The following IFT172 variants were observed in gnomAD, a reference collection of about 807,000 sequenced individuals.
The protein encoded by IFT172 is intraflagellar transport 172, also known as intraflagellar transport protein 172 homolog.
A neutral mutation model predicts 248.9 loss-of-function variants in IFT172; 164 were observed. The observed-to-expected ratio is 0.66, with a 90% CI of 0.58 to 0.75. IFT172 has a LOEUF of 0.75. IFT172 is among the 30% of genes least tolerant of loss of function. The probability of loss-of-function intolerance (pLI) is 0.00; values close to 1 mark genes in which losing one functional copy is unlikely to be tolerated. For synonymous variants in IFT172, 729 were observed against 791.6 expected, an observed-to-expected ratio of 0.92 and a Z score of 1.33; for missense variants, 1,950 against 2,192.4, an observed-to-expected ratio of 0.89 and a Z score of 2.21.
At chr2:27,460,983 AC>A (rs759748718) in intron 23 of IFT172, 31 bp downstream of exon 23, 1 of 1,613,966 alleles carries the variant, frequency 6.2e-7, no homozygotes, top group Non-Finnish European at 8.5e-7. Flanking sequence ...AGAGTCCACA[AC>A]AGTAAAGGAT....
In IFT172 at chr2:27,454,823, C is replaced by T. The variant is rs574812163; in HGVS notation, c.3372-163G>A. Among the ~76,000 whole-genome samples the T allele has an allele frequency of 9.9e-5, 15 of 152,264 alleles. No individual in the cohort carries two copies. Among genetic ancestry groups the T allele is most frequent in the African/African-American group, 2.9e-4 (12 of 41,554 alleles). Reference sequence around the variant, plus strand: ...AAGCGTGGAGAGATAAAAAGGAAGACGGGCAGGCAGCCCTGTGAAGACCAT... The same window carrying T: ...AAGCGTGGAGAGATAAAAAGGAAGATGGGCAGGCAGCCCTGTGAAGACCAT... On this transcript the variant is annotated intron_variant, in intron 30 of 47. Coordinates refer to ENST00000260570, the MANE Select transcript of IFT172 (RefSeq NM_015662.3). This position sits in a 1 kb window ranked among gnomAD's most constrained non-coding sequence, Gnocchi z 4.2.
Position 27,449,684 on chromosome 2 carries a change from A to G in IFT172, c.4160+7T>C. On this transcript the variant is annotated splice_region_variant and intron_variant, in intron 37 of 47. Coordinates refer to ENST00000260570, the MANE Select transcript of IFT172 (RefSeq NM_015662.3). ...AATTTCGCAGTAAGAAGGGGTTACAAGCTTACCTGGGATCTAACTCCTTAG... is the reference window on the plus strand; with the variant it reads ...AATTTCGCAGTAAGAAGGGGTTACAGGCTTACCTGGGATCTAACTCCTTAG... 1 of 1,610,978 alleles carries G rather than the reference A, an allele frequency of 6.2e-7. No individual in the cohort carries two copies. Among genetic ancestry groups the G allele is most frequent in the East Asian group, 2.2e-5 (1 of 44,862 alleles).
chr2:27,447,708 C>G (rs113449660), intron 41 of IFT172, 74 bp from the exon 42 acceptor site: 2 of 1,609,840 alleles, frequency 1.2e-6, no homozygotes, highest in African/African-American at 1.3e-5. Flanking sequence ...TCTCTGATAG[C>G]CACCTGGCAG....
Position 27,454,681 on chromosome 2 carries a change from A to T in IFT172, c.3372-21T>A. On this transcript the variant is annotated intron_variant, in intron 30 of 47. Transcript: ENST00000260570. The surrounding 1 kb of genome is among the most constrained non-coding windows in gnomAD (Gnocchi z 4.2). ...AGGAGCTGAAACAGAAAGTGCAGAT[A>T]AAGTTTTCTTGCTTCATGCTTCCCT... 2.5e-6 allele frequency: 4 copies of T among 1,608,818 alleles called. No homozygotes were observed. Among genetic ancestry groups the T allele is most frequent in the Non-Finnish European group, 3.4e-6 (4 of 1,175,354 alleles).
At chr2:27,474,859 G>GA (rs1558402381) in intron 14 of IFT172, among the ~76,000 whole-genome samples, 4 of 144,194 alleles carry the variant, frequency 2.8e-5, no homozygotes, top group African/African-American at 1.0e-4. Flanking sequence ...GCCTCAAACT[G>GA]TTTTTTTTTT....
rs946599676 is a variant in IFT172 at position 27,444,564 on chromosome 2, G to A, written c.5161-43C>T. On this transcript the variant is annotated intron_variant, in intron 47 of 47. Coordinates refer to ENST00000260570, the MANE Select transcript of IFT172 (RefSeq NM_015662.3). ...AACATGAGAGGAACTTGTTAATGCT[G>A]GAAATACAAAATCAGCTCCATCGCA... 5 of 1,499,302 alleles carry A rather than the reference G, an allele frequency of 3.3e-6. No homozygotes were observed. In the African/African-American group the frequency reaches 5.5e-5, roughly 17 times the overall value. 92.9% of individuals were successfully genotyped at this position (1,499,302 alleles called of 1,614,324 possible).
intron 1 of IFT172, among the ~76,000 whole-genome samples, chr2:27,489,189 C>T (rs1011823347): frequency 3.3e-5 from 5 of 152,222 alleles, no homozygotes; most frequent in African/African-American, 1.2e-4. Context: ...AGGGCTCCTC[C>T]CCTAGTGCCC....
At chr2:27,482,459 A>AT (rs1481344279) in intron 7 of IFT172, among the ~76,000 whole-genome samples, 1 of 151,606 alleles carries the variant, frequency 6.6e-6, no homozygotes, top group Non-Finnish European at 1.5e-5. Context: ...CGCCCAGCTA[A>AT]TTTTTTTGTA....
intron 9 of IFT172, among the ~76,000 whole-genome samples, 164 bp from the exon 10 acceptor site, chr2:27,479,768 A>G (rs1464333864): frequency 2.0e-5 from 3 of 152,230 alleles, no homozygotes; most frequent in Admixed American, 6.5e-5. Flanking sequence ...GGCTACAATC[A>G]TTGGACTCAA....
At chr2:27,485,641 T>A in intron 1 of IFT172, 138 bp from the exon 2 acceptor site, 2 of 996,646 alleles carry the variant, frequency 2.0e-6, no homozygotes, top group South Asian at 1.7e-5. Context: ...AAGAGATGCC[T>A]GTGGCCCATG....
Position 27,454,668 on chromosome 2 carries a change from A to G in IFT172, c.3372-8T>C. ...AACGCAAATTCAAAGGAGCTGAAAC[A>G]GAAAGTGCAGATAAAGTTTTCTTGC... On this transcript the variant is annotated splice_region_variant and splice_polypyrimidine_tract_variant and intron_variant, in intron 30 of 47. Transcript: ENST00000260570. This position sits in a 1 kb window ranked among gnomAD's most constrained non-coding sequence, Gnocchi z 4.2. 1.9e-6 allele frequency: 3 copies of G among 1,613,390 alleles called. No individual in the cohort carries two copies. The highest frequency in any genetic ancestry group is 2.5e-6 in the Non-Finnish European group (3 of 1,179,452).
chr2:27,446,415 A>C, intron 42 of IFT172, 60 bp from the exon 43 acceptor site: 1 of 1,442,898 alleles, frequency 6.9e-7, no homozygotes, highest in Non-Finnish European at 9.7e-7. Flanking sequence ...TACCAGACCA[A>C]TGATCCTGTA....
chr2:27,479,155 C>T (rs1277255130), intron 10 of IFT172, among the ~76,000 whole-genome samples: 1 of 152,162 alleles, frequency 6.6e-6, no homozygotes, highest in African/African-American at 2.4e-5. Context: ...CAGGCACCCG[C>T]CACAACGCCC....
chr2:27,458,016 C>G (rs1666307780), intron 27 of IFT172, 40 bp from the exon 28 acceptor site: 1 of 1,613,952 alleles, frequency 6.2e-7, no homozygotes, highest in Non-Finnish European at 8.5e-7. Context: ...TAGACCCGAC[C>G]CCTGCTATCA....
intron 16 of IFT172, among the ~76,000 whole-genome samples, chr2:27,469,458 C>T (rs752629002): frequency 2.6e-5 from 4 of 152,094 alleles, no homozygotes; most frequent in African/African-American, 7.2e-5. Flanking sequence ...AAAGTCATTC[C>T]AGAGGGAAGA....
intron 41 of IFT172, 31 bp from the exon 42 acceptor site, chr2:27,447,665 A>G (rs778725720): frequency 1.2e-6 from 2 of 1,613,792 alleles, no homozygotes; most frequent in African/African-American, 2.7e-5. Flanking sequence ...AGCCTGGCTC[A>G]GGGGTCAGAG....
chr2:27,477,371 AG>A (rs1668032149), intron 12 of IFT172, 51 bp from the exon 13 acceptor site: 1 of 1,497,494 alleles, frequency 6.7e-7, no homozygotes, highest in African/African-American at 1.4e-5. Flanking sequence ...GAAGAAAAAC[AG>A]TAGTGGGAGG....
intron 1 of IFT172, among the ~76,000 whole-genome samples, chr2:27,488,157 A>C (rs935748632): frequency 3.3e-5 from 5 of 151,842 alleles, no homozygotes; most frequent in Admixed American, 3.3e-4. Flanking sequence ...TATTTAAAAA[A>C]AATTTTTTTT....
Position 27,454,789 on chromosome 2 carries a change from G to T in IFT172, c.3372-129C>A. 1.3e-6 allele frequency: 1 copy of T among 785,988 alleles called. No homozygotes were observed. Among genetic ancestry groups the T allele is most frequent in the Non-Finnish European group, 2.1e-6 (1 of 477,362 alleles). 48.7% of individuals were successfully genotyped at this position (785,988 alleles called of 1,614,324 possible). On this transcript the variant is annotated intron_variant, in intron 30 of 47. Transcript: ENST00000260570. The surrounding 1 kb of genome is among the most constrained non-coding windows in gnomAD (Gnocchi z 4.2). ...CAGATTTAAGGATAACAAATATGAA[G>T]TGACAGAAAAGCGTGGAGAGATAAA...
Sources: allele counts gnomAD v4.1 joint callset (sites outside exome capture counted in the v4.1 genomes callset), GRCh38; gene constraint gnomAD v4.1.1; non-coding constraint Gnocchi (gnomAD v3.1); transcripts MANE v1.5; gene names NCBI Gene and HGNC (gene_info 2026-07-23, HGNC 2026-07-21).